GSDMC: variants seen among roughly 807,000 people sequenced by gnomAD.
GSDMC encodes gasdermin C, also known as gasdermin-C.
In GSDMC, 59 loss-of-function variants were observed where a neutral mutation model predicts 58.0. The observed-to-expected ratio is 1.02, with a 90% CI of 0.82 to 1.26. The LOEUF (loss-of-function observed/expected upper bound fraction) is 1.26. Among genes scored for constraint, GSDMC ranks in the 50% most tolerant of loss-of-function variants. The pLI is 0.00. For missense variants in GSDMC, 659 were observed against 598.5 expected (o/e 1.10, Z -1.06); for synonymous variants, 241 against 220.2 (o/e 1.09, Z -0.83).
the GSDMC span, among the ~76,000 whole-genome samples, chr8:129,731,162 T>TTAAGAAGGA: frequency 8.5e-5 from 13 of 152,298 alleles, no homozygotes; most frequent in African/African-American, 3.1e-4. Flanking sequence ...GTATTAGCTA[T>TTAAGAAGGA]TAAGAAGGAT....
Position 129,752,139 on chromosome 8 carries a change from G to A in GSDMC, c.853C>T (p.Leu285=). 6.2e-7 allele frequency: 1 copy of A among 1,612,792 alleles called. No individual in the cohort carries two copies. The highest frequency in any genetic ancestry group is 8.5e-7 in the Non-Finnish European group (1 of 1,178,846). Reference sequence around the variant, plus strand: ...TGCCCGCTCAAAAATTGCTGTGTCAGAAATAGCTCTGGAAAGAGAAAGAAA... The same window carrying A: ...TGCCCGCTCAAAAATTGCTGTGTCAAAAATAGCTCTGGAAAGAGAAAGAAA... The part of the protein sequence containing the change: ...NDMKLKPELF[L]TQQFLSGHLP... Residue 285 remains leucine, a synonymous_variant, in exon 8 of 14, where the codon CTG becomes TTG. Coordinates refer to ENST00000276708, the MANE Select transcript of GSDMC (RefSeq NM_031415.3).
the GSDMC span, among the ~76,000 whole-genome samples, chr8:129,718,462 A>C: frequency 1.3e-5 from 2 of 152,258 alleles, no homozygotes; most frequent in Non-Finnish European, 2.9e-5. Context: ...AGAAATGCAA[A>C]TCAAAACCAC....
chr8:129,765,603 A>G, intron 4 of GSDMC, 25 bp downstream of exon 4: 1 of 1,593,230 alleles, frequency 6.3e-7, no homozygotes, highest in South Asian at 1.1e-5. Context: ...TTGAATTTCA[A>G]TCCCACTTCA....
intron 3 of GSDMC, 97 bp from the exon 4 acceptor site, chr8:129,765,890 G>C: frequency 1.1e-6 from 1 of 950,248 alleles, no homozygotes; most frequent in East Asian, 2.5e-5. Flanking sequence ...TGGGAGGGGT[G>C]CAATGGCTTT....
At chr8:129,743,365 C>A (rs4385436), downstream of GSDMC, among the ~76,000 whole-genome samples, 26,171 of 152,022 alleles carry the variant, frequency 0.17, 2,672 homozygotes, top group Non-Finnish European at 0.23. Flanking sequence ...TACTAACAAG[C>A]CTGTACAGTG....
At chr8:129,722,201 AC>A in the GSDMC span, among the ~76,000 whole-genome samples, 1 of 152,186 alleles carries the variant, frequency 6.6e-6, no homozygotes, top group African/African-American at 2.4e-5. Context: ...ATGACTCCTC[AC>A]TAGAAGCCCT....
chr8:129,729,700 C>A, the GSDMC span: 1 of 491,790 alleles, frequency 2.0e-6, no homozygotes. Flanking sequence ...TTTCTTTATC[C>A]AGTCTATCAT....
chr8:129,743,555 T>G (rs1387557757), downstream of GSDMC, among the ~76,000 whole-genome samples: 1 of 152,214 alleles, frequency 6.6e-6, no homozygotes, highest in African/African-American at 2.4e-5. Flanking sequence ...CTGTCATTTC[T>G]GTATTCTGTT....
At chr8:129,760,413 C>A in intron 6 of GSDMC, 132 bp downstream of exon 6, 1 of 522,530 alleles carries the variant, frequency 1.9e-6, no homozygotes, top group Middle Eastern at 4.7e-4. Flanking sequence ...AAGATGAATA[C>A]TCCATTTTCC....
At chr8:129,736,583 C>A in the GSDMC span, among the ~76,000 whole-genome samples, 2 of 152,190 alleles carry the variant, frequency 1.3e-5, no homozygotes, top group Non-Finnish European at 2.9e-5. Flanking sequence ...CGACAAAATT[C>A]AACAGCCCAT....
chr8:129,778,659 C>G (rs2034318620), intron 1 of GSDMC, among the ~76,000 whole-genome samples: 2 of 151,784 alleles, frequency 1.3e-5, no homozygotes, highest in South Asian at 4.2e-4. Flanking sequence ...AAGCTATGAA[C>G]AGAGTGAACA....
In GSDMC at chr8:129,752,820, T is replaced by C; in HGVS notation, c.722A>G (p.Glu241Gly). 1 of 1,614,152 alleles carries C rather than the reference T, an allele frequency of 6.2e-7. No individual in the cohort carries two copies. Among genetic ancestry groups the C allele is most frequent in the Non-Finnish European group, 8.5e-7 (1 of 1,179,988 alleles). ...DDDEQRTFQD[E>G]YEISEMVGYC... is the part of the protein sequence containing the mutation. ...GCCTACCATTTCGGAAATTTCGTACTCTTGGGAGAGAGGGAGAGCAGAATG... is the reference window on the plus strand; with the variant it reads ...GCCTACCATTTCGGAAATTTCGTACCCTTGGGAGAGAGGGAGAGCAGAATG... The change falls in exon 7 of 14, where the codon GAG (glutamate) becomes GGG (glycine). Residue 241 changes from glutamate (E) to glycine (G), a missense_variant and splice_region_variant. Transcript: ENST00000276708.
At chr8:129,707,918 G>A in the GSDMC span, among the ~76,000 whole-genome samples, 4 of 152,178 alleles carry the variant, frequency 2.6e-5, no homozygotes, top group African/African-American at 9.7e-5. Context: ...CGCACTCAGA[G>A]TAAGCTCTAG....
the GSDMC span, among the ~76,000 whole-genome samples, chr8:129,723,517 C>A: frequency 6.6e-6 from 1 of 150,986 alleles, no homozygotes; most frequent in Non-Finnish European, 1.5e-5. Flanking sequence ...CCACCCGCCT[C>A]GGCCTCCAAA....
chr8:129,723,777 C>A, the GSDMC span, among the ~76,000 whole-genome samples: 1 of 152,198 alleles, frequency 6.6e-6, no homozygotes, highest in South Asian at 2.1e-4. Flanking sequence ...TGGATTGCAC[C>A]CCTACCTTGG....
intron 6 of GSDMC, among the ~76,000 whole-genome samples, chr8:129,754,093 G>GA (rs1048790618): frequency 6.6e-6 from 1 of 152,220 alleles, no homozygotes; most frequent in African/African-American, 2.4e-5. Flanking sequence ...GACGGGAAGT[G>GA]AAAAAATCTC....
the GSDMC span, among the ~76,000 whole-genome samples, chr8:129,721,410 A>G: frequency 1.3e-5 from 2 of 152,150 alleles, no homozygotes; most frequent in African/African-American, 4.8e-5. Flanking sequence ...AAGCTGGCAA[A>G]TCCTACTGCC....
At chr8:129,716,323 T>C in the GSDMC span, among the ~76,000 whole-genome samples, 2 of 152,212 alleles carry the variant, frequency 1.3e-5, no homozygotes, top group Non-Finnish European at 2.9e-5. Context: ...AAAGATATAA[T>C]GTATTAATAC....
At chr8:129,759,105 A>G (rs1315951829) in intron 6 of GSDMC, among the ~76,000 whole-genome samples, 1 of 152,174 alleles carries the variant, frequency 6.6e-6, no homozygotes, top group Non-Finnish European at 1.5e-5. Context: ...AGCACATACA[A>G]TGGAGAAAGG....
Sources: gnomAD v4.1 joint callset for allele counts (sites outside exome capture counted in the v4.1 genomes callset) on GRCh38, gnomAD v4.1.1 for gene constraint, MANE v1.5 for transcripts, NCBI Gene and HGNC (gene_info 2026-07-23, HGNC 2026-07-21) for gene names.